TMEM164: variants seen among roughly 807,000 people sequenced by gnomAD.
TMEM164 encodes transmembrane protein 164, also known as RP13-360B22.2.
A neutral mutation model predicts 18.8 loss-of-function variants in TMEM164; 4 were observed. The ratio of observed to expected loss-of-function variants is 0.21; its 90% confidence interval spans 0.10 to 0.49. The LOEUF (loss-of-function observed/expected upper bound fraction) is 0.49, where lower values mean the gene tolerates loss of function less well. TMEM164 is among the 20% of genes least tolerant of loss of function. The pLI is 0.98. For synonymous variants in TMEM164, 86 were observed against 101.7 expected, an observed-to-expected ratio of 0.85 and a Z score of 0.93; for missense variants, 108 against 239.9, an observed-to-expected ratio of 0.45 and a Z score of 3.63.
At chrX:110,145,660 A>G (rs894152287) in intron 5 of TMEM164, among the ~76,000 whole-genome samples, 4 of 111,497 alleles carry the variant, frequency 3.6e-5, no homozygotes, top group African/African-American at 9.8e-5. Flanking sequence ...TTCTGCTCCT[A>G]CCTCACTCCA....
intron 4 of TMEM164, among the ~76,000 whole-genome samples, chrX:110,122,335 A>C (rs2066462273): frequency 1.9e-5 from 2 of 106,235 alleles, no homozygotes; most frequent in Admixed American, 2.1e-4. Flanking sequence ...ACAAAAAACC[A>C]AACACCGCAT....
At chrX:110,169,641 C>T (rs1200394833) in intron 5 of TMEM164, among the ~76,000 whole-genome samples, 1 of 112,216 alleles carries the variant, frequency 8.9e-6, no homozygotes, top group African/African-American at 3.2e-5. Flanking sequence ...GGGCTGAAAT[C>T]CATTCAGAAG....
chrX:110,093,944 A>G (rs755219682), intron 3 of TMEM164, among the ~76,000 whole-genome samples: 145 of 111,451 alleles, frequency 1.3e-3, no homozygotes, highest in African/African-American at 4.6e-3. Flanking sequence ...TTCGTTATGT[A>G]CCCAGTAGTC....
chrX:110,013,801 C>G (rs960157201), intron 2 of TMEM164, among the ~76,000 whole-genome samples: 1 of 111,819 alleles, frequency 8.9e-6, no homozygotes. Context: ...TAATTTAAAT[C>G]AAGTATTTAG....
At chrX:110,079,326 T>C (rs1173127117) in intron 3 of TMEM164, among the ~76,000 whole-genome samples, 1 of 111,858 alleles carries the variant, frequency 8.9e-6, no homozygotes, top group Non-Finnish European at 1.9e-5. Flanking sequence ...TAGGTGTTAT[T>C]GTCCTTTGAC....
chrX:110,139,272 C>T (rs1473797787), intron 4 of TMEM164, among the ~76,000 whole-genome samples: 1 of 111,902 alleles, frequency 8.9e-6, no homozygotes, highest in African/African-American at 3.3e-5. Context: ...CCTTAGCCAG[C>T]AGCACAGGTG....
At chrX:110,041,986 T>G (rs902155667) in intron 2 of TMEM164, among the ~76,000 whole-genome samples, 7 of 111,760 alleles carry the variant, frequency 6.3e-5, no homozygotes, top group African/African-American at 2.3e-4. Flanking sequence ...AATTCAGTGG[T>G]TTTCATATAC....
intron 4 of TMEM164, among the ~76,000 whole-genome samples, chrX:110,115,593 A>T (rs925000901): frequency 2.1e-4 from 23 of 111,577 alleles, no homozygotes; most frequent in African/African-American, 7.5e-4. Flanking sequence ...TAAATCCTTG[A>T]TGAATCCAGC....
intron 2 of TMEM164, among the ~76,000 whole-genome samples, chrX:110,053,209 A>G (rs190859918): frequency 5.6e-4 from 63 of 111,764 alleles, no homozygotes; most frequent in African/African-American, 2.0e-3. Flanking sequence ...TTCCCACCAA[A>G]ATTTTCCTTT....
chrX:110,143,804 GGTGTGTGTGTGTGTGT>G (rs759024255), intron 4 of TMEM164, among the ~76,000 whole-genome samples: 1 of 103,053 alleles, frequency 9.7e-6, no homozygotes, highest in Non-Finnish European at 2.0e-5. Flanking sequence ...CATACTTTGG[GGTGTGTGTGTGTGTGT>G]GTGTGTGTGT....
At chrX:110,060,531 A>G (rs1056145182) in intron 2 of TMEM164, among the ~76,000 whole-genome samples, 1 of 112,196 alleles carries the variant, frequency 8.9e-6, no homozygotes, top group African/African-American at 3.2e-5. Context: ...AACATTTTAC[A>G]TAACTATGGT....
In TMEM164 at chrX:110,109,141, C is replaced by A; in HGVS notation, c.502C>A (p.Arg168=). Residue 168 remains arginine, a synonymous_variant, in exon 4 of 7, where the codon CGG becomes AGG. Transcript: ENST00000372068. ...LALLFPVVNT[R]LLPFELEIYY... ...ATTGCTGTTTCCTGTGGTAAACACTCGGCTGGTAAGTAGCCTCTTCTAGGA... is the reference window on the plus strand; with the variant it reads ...ATTGCTGTTTCCTGTGGTAAACACTAGGCTGGTAAGTAGCCTCTTCTAGGA... The A allele has an allele frequency of 1.7e-6, 2 of 1,208,591 alleles. No individual in the cohort carries two copies. The highest frequency in any genetic ancestry group is 2.2e-6 in the Non-Finnish European group (2 of 892,723).
intron 3 of TMEM164, among the ~76,000 whole-genome samples, chrX:110,090,481 A>G: frequency 9.2e-6 from 1 of 108,519 alleles, no homozygotes; most frequent in Non-Finnish European, 1.9e-5. Context: ...AATTTTTTGT[A>G]TTTATTTATT....
Position 110,097,194 on chromosome X carries a change from A to C in TMEM164, c.441-11886A>C, listed in dbSNP as rs191811152. ...ATCATGTTGGCCAGGCTGGTCTCGAACTCCTGACCTCAAATGATCTGCCTG... is the reference window on the plus strand; with the variant it reads ...ATCATGTTGGCCAGGCTGGTCTCGACCTCCTGACCTCAAATGATCTGCCTG... On this transcript the variant is annotated intron_variant, in intron 3 of 6. Transcript: ENST00000372068. 3.5e-3 allele frequency among the ~76,000 whole-genome samples: 391 copies of C among 111,271 alleles called. 1 individual carries two copies. Among genetic ancestry groups the C allele is most frequent in the African/African-American group, 0.011 (342 of 30,616 alleles).
At chrX:110,011,623 G>A (rs148058372) in intron 2 of TMEM164, among the ~76,000 whole-genome samples, 1,447 of 112,239 alleles carry the variant, frequency 0.013, 23 homozygotes, top group African/African-American at 0.044. Flanking sequence ...GACAGGAAGA[G>A]GATGGATGTG....
At chrX:110,103,959 G>C (rs1162192404) in intron 3 of TMEM164, among the ~76,000 whole-genome samples, 1 of 111,142 alleles carries the variant, frequency 9.0e-6, no homozygotes, top group Admixed American at 9.6e-5. Flanking sequence ...AAAAAGGTTT[G>C]GGGGTTTTTG....
chrX:110,017,507 C>CTT (rs1933512139), intron 2 of TMEM164, among the ~76,000 whole-genome samples: 1 of 15,909 alleles, frequency 6.3e-5, no homozygotes, highest in Non-Finnish European at 9.2e-5. Context: ...TCCCTCCCTC[C>CTT]CTCCCTCCTT....
intron 2 of TMEM164, among the ~76,000 whole-genome samples, chrX:110,034,743 T>A (rs1364464024): frequency 1.9e-5 from 2 of 105,956 alleles, no homozygotes; most frequent in Non-Finnish European, 3.9e-5. Context: ...GGACTATAAA[T>A]CATGCTGCTA....
chrX:110,135,367 G>T (rs2066675512), intron 4 of TMEM164, among the ~76,000 whole-genome samples: 2 of 111,522 alleles, frequency 1.8e-5, no homozygotes, highest in South Asian at 7.4e-4. Flanking sequence ...TTTGATGACT[G>T]TCTTACTGAT....
Sources: gnomAD v4.1 joint callset for allele counts (sites outside exome capture counted in the v4.1 genomes callset) on GRCh38, gnomAD v4.1.1 for gene constraint, MANE v1.5 for transcripts, NCBI Gene and HGNC (gene_info 2026-07-23, HGNC 2026-07-21) for gene names.